XRRA1: variants seen among roughly 807,000 people sequenced by gnomAD.
XRRA1 encodes the protein X-ray radiation resistance associated 1.
XRRA1 carries 69 observed loss-of-function variants against 80.2 expected under a neutral mutation model. That is an observed-to-expected ratio of 0.86 (90% CI 0.71 to 1.05). The LOEUF (loss-of-function observed/expected upper bound fraction) is 1.05. Ranked by LOEUF, XRRA1 falls within the 50% of genes least tolerant of loss-of-function variation. The pLI is 0.00. For synonymous variants in XRRA1, 348 were observed against 389.9 expected (o/e 0.89, Z 1.27); for missense variants, 967 against 976.4 (o/e 0.99, Z 0.13).
intron 15 of XRRA1, among the ~76,000 whole-genome samples, chr11:74,846,697 CTGTCA>C (rs1359825076): frequency 6.6e-6 from 1 of 152,128 alleles, no homozygotes; most frequent in Non-Finnish European, 1.5e-5. Flanking sequence ...AAAGCCCACT[CTGTCA>C]TGATTAAAAA....
At chr11:74,907,578 G>GA (rs2138224660) in intron 8 of XRRA1, among the ~76,000 whole-genome samples, 1 of 152,294 alleles carries the variant, frequency 6.6e-6, no homozygotes, top group South Asian at 2.1e-4. Flanking sequence ...AATGCCAGGT[G>GA]AAAGAGGCAT....
intron 7 of XRRA1, among the ~76,000 whole-genome samples, chr11:74,922,628 G>A (rs1361346061): frequency 6.6e-6 from 1 of 152,184 alleles, no homozygotes; most frequent in Non-Finnish European, 1.5e-5. Context: ...TGGTACAGGA[G>A]CAAGTCTTTG....
intron 6 of XRRA1, among the ~76,000 whole-genome samples, chr11:74,929,563 C>T (rs1321804762): frequency 2.0e-5 from 3 of 152,242 alleles, no homozygotes; most frequent in Non-Finnish European, 4.4e-5. Context: ...TTGTCCCCCA[C>T]ATGCTTCCCT....
At chr11:74,844,057 TG>T in intron 17 of XRRA1, 98 bp from the exon 18 acceptor site, 1 of 1,448,404 alleles carries the variant, frequency 6.9e-7, no homozygotes, top group Non-Finnish European at 9.6e-7. Flanking sequence ...GGGGGGCATC[TG>T]GGGGTGCTGG....
intron 10 of XRRA1, among the ~76,000 whole-genome samples, chr11:74,897,346 G>A (rs1175390987): frequency 6.6e-6 from 1 of 151,946 alleles, no homozygotes; most frequent in Non-Finnish European, 1.5e-5. Flanking sequence ...TAAAAAAACA[G>A]TGAAGTATGC....
intron 10 of XRRA1, chr11:74,877,093 G>A (rs2046207239): frequency 6.6e-6 from 1 of 152,132 alleles, no homozygotes; most frequent in South Asian, 2.1e-4. Context: ...GTAGAATTCT[G>A]GATGGAATAT....
chr11:74,900,803 C>A (rs2053445009), intron 10 of XRRA1, among the ~76,000 whole-genome samples: 1 of 152,164 alleles, frequency 6.6e-6, no homozygotes, highest in African/African-American at 2.4e-5. Context: ...AAGAACCACA[C>A]CTCAACATAT....
At chr11:74,846,788 A>G (rs1057506908) in intron 15 of XRRA1, among the ~76,000 whole-genome samples, 2 of 152,214 alleles carry the variant, frequency 1.3e-5, no homozygotes, top group Non-Finnish European at 2.9e-5. Context: ...ACCTAATATC[A>G]TAATTAATGG....
rs573878638 is a variant in XRRA1 at position 74,912,689 on chromosome 11, G to A, written c.657-5416C>T. ...CACCAGAAAACCCTTGATCTGGTGG[G>A]CAAAAAGTGATTTGAGTTGTCCAAA... On this transcript the variant is annotated intron_variant, in intron 8 of 18. Transcript: ENST00000684022. Among the ~76,000 whole-genome samples the A allele has an allele frequency of 5.8e-4, 89 of 152,222 alleles. 1 individual carries two copies. In the South Asian group the frequency reaches 0.017, roughly 29 times the overall value.
At chr11:74,942,423 A>C (rs1946506956) in intron 2 of XRRA1, among the ~76,000 whole-genome samples, 1 of 152,248 alleles carries the variant, frequency 6.6e-6, no homozygotes, top group Admixed American at 6.5e-5. Context: ...GGAGAAAAGC[A>C]AGACAGCAGT....
intron 13 of XRRA1, 79 bp from the exon 14 acceptor site, chr11:74,851,282 A>T (rs1263308651): frequency 2.7e-6 from 3 of 1,093,268 alleles, no homozygotes; most frequent in Non-Finnish European, 3.9e-6. Flanking sequence ...GCACTATTCA[A>T]ATTGCTTTAC....
At chr11:74,862,060 C>T (rs2042421514) in intron 11 of XRRA1, among the ~76,000 whole-genome samples, 1 of 152,200 alleles carries the variant, frequency 6.6e-6, no homozygotes, top group South Asian at 2.1e-4. Flanking sequence ...GACACTATTT[C>T]AATTTCAGAA....
intron 11 of XRRA1, among the ~76,000 whole-genome samples, chr11:74,861,575 A>G (rs1030461816): frequency 1.1e-4 from 17 of 152,244 alleles, no homozygotes; most frequent in Non-Finnish European, 2.1e-4. Context: ...GGTGAGTTGT[A>G]TAATTATTTC....
intron 1 of XRRA1, among the ~76,000 whole-genome samples, chr11:74,948,506 C>T (rs1166068487): frequency 6.6e-6 from 1 of 152,180 alleles, no homozygotes; most frequent in African/African-American, 2.4e-5. Flanking sequence ...TAATTAAAAT[C>T]TAGAATACTA....
chr11:74,889,141 G>C (rs1170920710), intron 10 of XRRA1, among the ~76,000 whole-genome samples: 1 of 152,102 alleles, frequency 6.6e-6, no homozygotes, highest in African/African-American at 2.4e-5. Flanking sequence ...AAAATGTTAG[G>C]GGCAGCCAGA....
rs1565463205 is a variant in XRRA1, at chr11:74,943,527, GTGTGTGTGT to G, written c.-5+1482_-5+1490del. On this transcript the variant is annotated intron_variant, in intron 2 of 18. Coordinates refer to ENST00000684022, the MANE Select transcript of XRRA1 (RefSeq NM_001378157.1). ...GGCGAGGGGAAGAGAGTAGGAGGGT[GTGTGTGTGT>G]GTGTGTGTGTGTGTGTGTGTGTGTG... Among the ~76,000 whole-genome samples, 145 of 44,866 alleles carry G rather than the reference GTGTGTGTGT, an allele frequency of 3.2e-3. 1 individual carries two copies. Among genetic ancestry groups the G allele is most frequent in the Admixed American group, 9.3e-3 (56 of 6,028 alleles). The allele number at this position is 44,866 out of a possible 152,430, so 29.4% of individuals were successfully genotyped here.
At chr11:74,888,297 T>A (rs909550095) in intron 10 of XRRA1, among the ~76,000 whole-genome samples, 1 of 152,184 alleles carries the variant, frequency 6.6e-6, no homozygotes, top group Non-Finnish European at 1.5e-5. Flanking sequence ...CCACCGCTGA[T>A]ACCCAGGCAA....
intron 2 of XRRA1, among the ~76,000 whole-genome samples, chr11:74,942,917 G>A (rs1416282021): frequency 1.3e-5 from 2 of 152,242 alleles, no homozygotes; most frequent in African/African-American, 4.8e-5. Context: ...CAATGCAGGA[G>A]AGAGATGGGC....
intron 6 of XRRA1, among the ~76,000 whole-genome samples, chr11:74,927,984 G>A (rs1184293869): frequency 2.0e-5 from 3 of 152,112 alleles, no homozygotes; most frequent in Non-Finnish European, 4.4e-5. Flanking sequence ...TGTACACACT[G>A]TACTGACTTG....
Sources: allele counts gnomAD v4.1 joint callset (sites outside exome capture counted in the v4.1 genomes callset), GRCh38; gene constraint gnomAD v4.1.1; transcripts MANE v1.5; gene names NCBI Gene and HGNC (gene_info 2026-07-23, HGNC 2026-07-21).